The following MED13L variants were observed in gnomAD, a reference collection of about 807,000 sequenced individuals.
MED13L encodes the protein mediator complex subunit 13L, also known as mediator of RNA polymerase II transcription subunit 13-like.
Under a neutral mutation model 220.9 loss-of-function variants are expected in MED13L, and 7 were observed. That is an observed-to-expected ratio of 0.03 (90% CI 0.02 to 0.06). The LOEUF is 0.06. MED13L is among the 10% of genes least tolerant of loss of function. MED13L has a pLI of 1.00. For missense variants in MED13L, 1,965 were observed against 2,760.5 expected (o/e 0.71, Z 6.46); for synonymous variants, 1,011 against 1,015.2 (o/e 1.00, Z 0.08).
chr12:116,039,286 C>T (rs2137535166), intron 4 of MED13L, among the ~76,000 whole-genome samples: 1 of 152,334 alleles, frequency 6.6e-6, no homozygotes, highest in South Asian at 2.1e-4. Flanking sequence ...CTTTCAGAGA[C>T]CAGGGCCTTT....
At chr12:115,986,233 C>T (rs202051863) in intron 19 of MED13L, 33 bp downstream of exon 19, 6 of 1,581,958 alleles carry the variant, frequency 3.8e-6, no homozygotes, top group Middle Eastern at 3.3e-4. Context: ...GGATCCAAGT[C>T]ATAAAAAGCA....
At chr12:116,031,732 A>AGG (rs1362717824) in intron 4 of MED13L, among the ~76,000 whole-genome samples, 1,035 of 76,854 alleles carry the variant, frequency 0.013, 19 homozygotes, top group African/African-American at 0.044. Flanking sequence ...AAAGAAAAGA[A>AGG]AAGAAAAGAA....
At chr12:116,018,227 T>C (rs1395981992) in intron 7 of MED13L, among the ~76,000 whole-genome samples, 3 of 152,212 alleles carry the variant, frequency 2.0e-5, no homozygotes, top group Non-Finnish European at 2.9e-5. Context: ...GTCACTCACC[T>C]TGTAAACGAT....
chr12:116,118,276 C>T (rs1874706160), intron 2 of MED13L, among the ~76,000 whole-genome samples: 1 of 151,836 alleles, frequency 6.6e-6, no homozygotes, highest in Non-Finnish European at 1.5e-5. Context: ...ACAAATCATA[C>T]TATATTAAGC....
At chr12:116,084,997 G>A (rs549857831) in intron 4 of MED13L, among the ~76,000 whole-genome samples, 11 of 152,038 alleles carry the variant, frequency 7.2e-5, no homozygotes, top group East Asian at 1.9e-4. Context: ...TGCGATGTCC[G>A]TTTATTTTTC....
chr12:115,994,737 C>T (rs568416861), intron 16 of MED13L, among the ~76,000 whole-genome samples: 42 of 152,302 alleles, frequency 2.8e-4, no homozygotes, highest in African/African-American at 9.1e-4. Flanking sequence ...ACCCCTTATG[C>T]GCCAAGGTGT....
At chr12:116,109,219 C>A (rs1873875793) in intron 3 of MED13L, among the ~76,000 whole-genome samples, 1 of 151,710 alleles carries the variant, frequency 6.6e-6, no homozygotes, top group African/African-American at 2.4e-5. Context: ...CACAGGAGCA[C>A]ACCATCATGC....
intron 4 of MED13L, among the ~76,000 whole-genome samples, chr12:116,067,451 C>T (rs954564053): frequency 6.6e-6 from 1 of 152,226 alleles, no homozygotes; most frequent in African/African-American, 2.4e-5. Flanking sequence ...GTTTGGAGAT[C>T]CCCCATCAGA....
At chr12:116,251,718 G>A (rs1436181492) in intron 1 of MED13L, among the ~76,000 whole-genome samples, 1 of 150,174 alleles carries the variant, frequency 6.7e-6, no homozygotes, top group Non-Finnish European at 1.5e-5. Context: ...CCAAGATCGC[G>A]CCACAGCACT....
intron 1 of MED13L, among the ~76,000 whole-genome samples, chr12:116,254,535 G>T (rs1871868786): frequency 6.6e-6 from 1 of 152,012 alleles, no homozygotes; most frequent in African/African-American, 2.4e-5. Flanking sequence ...GATCACTTTA[G>T]GTCAGGAGTT....
At chr12:116,049,243 G>A (rs548609106) in intron 4 of MED13L, among the ~76,000 whole-genome samples, 2 of 152,306 alleles carry the variant, frequency 1.3e-5, no homozygotes, top group Non-Finnish European at 2.9e-5. Flanking sequence ...CAGTTTTGAA[G>A]TCAGGCTTAT....
At chr12:115,965,424 A>C (rs146737603) in intron 29 of MED13L, among the ~76,000 whole-genome samples, 1 of 151,182 alleles carries the variant, frequency 6.6e-6, no homozygotes, top group Admixed American at 6.6e-5. Flanking sequence ...GTGTAGGGCT[A>C]TATCATTCAG....
intron 2 of MED13L, among the ~76,000 whole-genome samples, chr12:116,219,010 A>G (rs542738807): frequency 2.0e-5 from 3 of 152,254 alleles, no homozygotes; most frequent in Non-Finnish European, 4.4e-5. Flanking sequence ...TGCTGGGATT[A>G]CAGGTGTGAG....
chr12:116,037,846 C>T (rs1254928433), intron 4 of MED13L, among the ~76,000 whole-genome samples: 3 of 152,132 alleles, frequency 2.0e-5, no homozygotes, highest in African/African-American at 7.2e-5. Context: ...GTCGAAGAGG[C>T]TGAGGGGTCC....
intron 2 of MED13L, among the ~76,000 whole-genome samples, chr12:116,215,075 T>C (rs949440899): frequency 2.0e-5 from 3 of 152,226 alleles, no homozygotes; most frequent in Non-Finnish European, 4.4e-5. Flanking sequence ...AGTAGGTTAA[T>C]TCCTTTTAAA....
intron 1 of MED13L, among the ~76,000 whole-genome samples, chr12:116,250,979 T>C (rs1467695572): frequency 6.6e-6 from 1 of 151,644 alleles, no homozygotes; most frequent in Non-Finnish European, 1.5e-5. Flanking sequence ...AGTTTAATAT[T>C]ATTTGAAGGT....
chr12:116,183,416 A>G (rs1880660038), intron 2 of MED13L, among the ~76,000 whole-genome samples: 1 of 152,238 alleles, frequency 6.6e-6, no homozygotes, highest in Non-Finnish European at 1.5e-5. Context: ...TGTAAAACTG[A>G]GTTAAGGTAT....
At chr12:115,994,072 T>C (rs1878247118) in intron 16 of MED13L, among the ~76,000 whole-genome samples, 1 of 152,186 alleles carries the variant, frequency 6.6e-6, no homozygotes, top group African/African-American at 2.4e-5. Context: ...CAATTCAGTC[T>C]TGGTCTCACT....
chr12:116,152,555 TCAGAAGAC>T (rs1308017795), intron 2 of MED13L, among the ~76,000 whole-genome samples: 1 of 152,010 alleles, frequency 6.6e-6, no homozygotes, highest in Non-Finnish European at 1.5e-5. Context: ...CCCTGCACTG[TCAGAAGAC>T]CAGAGGGGCA....
Sources: allele counts gnomAD v4.1 joint callset (sites outside exome capture counted in the v4.1 genomes callset), GRCh38; gene constraint gnomAD v4.1.1; transcripts MANE v1.5; gene names NCBI Gene and HGNC (gene_info 2026-07-23, HGNC 2026-07-21).